The following ZNF384 variants were observed in gnomAD, a reference collection of about 807,000 sequenced individuals.
ZNF384 encodes zinc finger protein 384.
In ZNF384, 20 loss-of-function variants were observed where a neutral mutation model predicts 65.0. The observed-to-expected ratio is 0.31, with a 90% CI of 0.22 to 0.45. The LOEUF (loss-of-function observed/expected upper bound fraction) is 0.45. ZNF384 is among the 20% of genes least tolerant of loss of function. ZNF384 has a pLI of 1.00. For synonymous variants in ZNF384, 310 were observed against 303.9 expected, an observed-to-expected ratio of 1.02 and a Z score of -0.21; for missense variants, 549 against 769.4, an observed-to-expected ratio of 0.71 and a Z score of 3.39.
rs80011270 is a variant in ZNF384 at position 6,682,683 on chromosome 12, C to G, written c.-5-3158G>C. Among the ~76,000 whole-genome samples, 269 of 152,222 alleles carry G rather than the reference C, an allele frequency of 1.8e-3. 1 individual carries two copies. The highest frequency in any genetic ancestry group is 6.2e-3 in the African/African-American group (256 of 41,542). On this transcript the variant is annotated intron_variant, in intron 2 of 11. Coordinates refer to ENST00000683879, the MANE Select transcript of ZNF384 (RefSeq NM_001385745.1). Reference sequence around the variant, plus strand: ...AAACAAAGCAAAGATGGGAGTCTCACGTTTTCAGGCAACAGAATCAAGATA... The same window carrying G: ...AAACAAAGCAAAGATGGGAGTCTCAGGTTTTCAGGCAACAGAATCAAGATA...
rs1452329139 is a variant in ZNF384 at position 6,689,320 on chromosome 12, G to C, written c.-288C>G. 1 of 152,710 alleles carries C rather than the reference G, an allele frequency of 6.5e-6. No individual in the cohort carries two copies. The highest frequency in any genetic ancestry group is 2.4e-5 in the African/African-American group (1 of 41,448). The allele number at this position is 152,710 out of a possible 1,614,324, so 9.5% of individuals were successfully genotyped here. ...CGAGACACCCGCAGGGCGGGGGCGC[G>C]AGGTAGTGGGTGGCCCCCCCTCCTT... On this transcript the variant is annotated 5_prime_UTR_variant, in exon 1 of 12. Coordinates refer to ENST00000683879, the MANE Select transcript of ZNF384 (RefSeq NM_001385745.1).
rs1294082024 is a variant in ZNF384, at chr12:6,672,220, G to GCCAGCCAGGTCTCTCCT, written c.1187+113_1187+129dup. 3.2e-5 allele frequency: 32 copies of GCCAGCCAGGTCTCTCCT among 986,442 alleles called. No homozygotes were observed. Among genetic ancestry groups the GCCAGCCAGGTCTCTCCT allele is most frequent in the Middle Eastern group, 3.3e-4 (1 of 3,046 alleles). 61.1% of individuals were successfully genotyped at this position (986,442 alleles called of 1,614,324 possible). A position where few individuals can be genotyped will look rare whatever the true frequency, so the allele number is the denominator to read the frequency against. On this transcript the variant is annotated intron_variant, in intron 9 of 11. Coordinates refer to ENST00000683879, the MANE Select transcript of ZNF384 (RefSeq NM_001385745.1). The surrounding 1 kb of genome is among the most constrained non-coding windows in gnomAD (Gnocchi z 4.4). ...TTGTTTGGTCTTCCTTCTCCCAGATGCCAGCCAGGTCTCTCCTCCAGCCAG... is the reference window on the plus strand; with the variant it reads ...TTGTTTGGTCTTCCTTCTCCCAGATGCCAGCCAGGTCTCTCCTCCAGCCAGGTCTCTCCTCCAGCCAG...
In ZNF384 at chr12:6,667,673, G is replaced by C; in HGVS notation, c.*41C>G. ...AAGAGTTGGAGAAAGAAGACACCAG[G>C]ACTACTTCTTCCTCTTCCCAGTGGG... On this transcript the variant is annotated 3_prime_UTR_variant, in exon 12 of 12. Transcript: ENST00000683879. 1 of 1,613,276 alleles carries C rather than the reference G, an allele frequency of 6.2e-7. No homozygotes were observed. The highest frequency in any genetic ancestry group is 8.5e-7 in the Non-Finnish European group (1 of 1,179,610).
chr12:6,677,152 G>C lies in ZNF384; in HGVS notation c.779+15C>G. On this transcript the variant is annotated intron_variant, in intron 7 of 11. Transcript: ENST00000683879. ...GATGAGGAAACTGAGGCCCAGAGAG[G>C]GGAAAAGGACTTGCCCAGGGTCACA... 1 of 762,620 alleles carries C rather than the reference G, an allele frequency of 1.3e-6. No homozygotes were observed. The highest frequency in any genetic ancestry group is 5.0e-5 in the East Asian group (1 of 19,904). 47.2% of individuals were successfully genotyped at this position (762,620 alleles called of 1,614,324 possible).
At chr12:6,670,226 C>T (rs746583418) in intron 10 of ZNF384, among the ~76,000 whole-genome samples, 2 of 151,856 alleles carry the variant, frequency 1.3e-5, no homozygotes, top group East Asian at 3.9e-4. Flanking sequence ...TCCAGGAGTT[C>T]GAGACCAGCC....
In ZNF384 at chr12:6,672,578, A is replaced by C; in HGVS notation, c.1005-46T>G. The C allele has an allele frequency of 1.3e-6, 2 of 1,580,766 alleles. No individual in the cohort carries two copies. The highest frequency in any genetic ancestry group is 1.7e-6 in the Non-Finnish European group (2 of 1,155,276). ...GAAGGGGGGAGGAGGAAGCAGTTCG[A>C]CACCAGGGGCTCAGCTCTCTGCTGG... is the stretch of plus-strand genomic sequence containing the variant. On this transcript the variant is annotated intron_variant, in intron 8 of 11. Transcript: ENST00000683879. This position sits in a 1 kb window ranked among gnomAD's most constrained non-coding sequence, Gnocchi z 4.4.
chr12:6,674,300 C>T (rs1952672908), intron 7 of ZNF384, among the ~76,000 whole-genome samples: 1 of 152,240 alleles, frequency 6.6e-6, no homozygotes, highest in South Asian at 2.1e-4. Context: ...CCTTTCCACT[C>T]TGGTATTGTC....
intron 11 of ZNF384, among the ~76,000 whole-genome samples, chr12:6,668,617 C>T (rs749744257): frequency 2.1e-4 from 32 of 151,222 alleles, no homozygotes; most frequent in Non-Finnish European, 4.1e-4. Flanking sequence ...GCAGGAGAAT[C>T]GCTTGAACCC....
At chr12:6,679,804 A>G (rs1955221207) in intron 2 of ZNF384, among the ~76,000 whole-genome samples, 1 of 152,132 alleles carries the variant, frequency 6.6e-6, no homozygotes, top group Non-Finnish European at 1.5e-5. Context: ...CTAAAGAAAA[A>G]CTGGTATTAC....
At chr12:6,679,594 G>A (rs564520704) in intron 2 of ZNF384, 69 bp from the exon 3 acceptor site, 121 of 1,305,738 alleles carry the variant, frequency 9.3e-5, no homozygotes, top group Non-Finnish European at 1.3e-4. Flanking sequence ...ATGGAGAAGG[G>A]GAACTGAAGA....
rs934132108 is a variant in ZNF384 at position 6,678,045 on chromosome 12, G to C, written c.686+82C>G. The C allele has an allele frequency of 7.5e-7, 1 of 1,336,632 alleles. No homozygotes were observed. Among genetic ancestry groups the C allele is most frequent in the East Asian group, 2.3e-5 (1 of 43,150 alleles). The allele number at this position is 1,336,632 out of a possible 1,614,324, so 82.8% of individuals were successfully genotyped here. ...AGCTGTCAGAGTGTAGCGCCTGACC[G>C]GGGCAGAACACAATGAGGGTACAGG... On this transcript the variant is annotated intron_variant, in intron 6 of 11. Coordinates refer to ENST00000683879, the MANE Select transcript of ZNF384 (RefSeq NM_001385745.1). The surrounding 1 kb of genome is among the most constrained non-coding windows in gnomAD (Gnocchi z 4.9).
At chr12:6,670,621 C>T (rs988887014) in intron 10 of ZNF384, 139 bp downstream of exon 10, 22 of 721,230 alleles carry the variant, frequency 3.1e-5, no homozygotes, top group African/African-American at 1.4e-4. Context: ...CAGCTATTAC[C>T]CACATAAACA....
rs199995252 is a variant in ZNF384 at position 6,667,786 on chromosome 12, C to T, written c.1755G>A (p.Ala585=). ...CSFDLTPYKT[A]EHHKDICLTV... is the part of the protein sequence containing the mutation. ...TGAGGCAGATGTCCTTATGATGCTCCGCCGTCTTATACGGGGTCAGGTCAA... is the reference window on the plus strand; with the variant it reads ...TGAGGCAGATGTCCTTATGATGCTCTGCCGTCTTATACGGGGTCAGGTCAA... Residue 585 remains alanine (A), a synonymous_variant, in exon 12 of 12, where the codon GCG becomes GCA. Transcript: ENST00000683879. 1.4e-4 allele frequency: 229 copies of T among 1,614,214 alleles called. 1 individual carries two copies. The highest frequency in any genetic ancestry group is 6.7e-4 in the Admixed American group (40 of 60,030).
chr12:6,683,661 C>CAAA (rs550687196), intron 2 of ZNF384, among the ~76,000 whole-genome samples: 14 of 66,636 alleles, frequency 2.1e-4, no homozygotes, highest in Middle Eastern at 9.4e-3. Flanking sequence ...GACCCTGTCT[C>CAAA]AAAAAAAAAA....
intron 10 of ZNF384, among the ~76,000 whole-genome samples, chr12:6,669,784 G>A (rs908742835): frequency 6.6e-6 from 1 of 152,112 alleles, no homozygotes; most frequent in African/African-American, 2.4e-5. Context: ...TTACAGGTGT[G>A]AGCCACCGCG....
At chr12:6,684,600 C>G (rs1424908773) in intron 2 of ZNF384, among the ~76,000 whole-genome samples, 1 of 152,056 alleles carries the variant, frequency 6.6e-6, no homozygotes, top group Non-Finnish European at 1.5e-5. Flanking sequence ...GTGTCTGGTC[C>G]AAGGACAAGA....
At chr12:6,681,693 T>TAGA (rs1277243793) in intron 2 of ZNF384, among the ~76,000 whole-genome samples, 1 of 152,102 alleles carries the variant, frequency 6.6e-6, no homozygotes, top group East Asian at 1.9e-4. Flanking sequence ...AAGCTGAAAA[T>TAGA]TACTCTAACA....
At position 6,672,808 on chromosome 12, in the gene ZNF384, C is replaced by T. The variant is rs77587720; in HGVS notation, c.1005-276G>A. Among the ~76,000 whole-genome samples, 2,679 of 152,238 alleles carry T rather than the reference C, an allele frequency of 0.018. 64 individuals are homozygous for T. Among genetic ancestry groups the T allele is most frequent in the African/African-American group, 0.053 (2,210 of 41,524 alleles). ...AAAGTAGTCAATCTCATCAACCCTCCGCTTTCTCCTAAGGTTAACACACTC... is the reference window on the plus strand; with the variant it reads ...AAAGTAGTCAATCTCATCAACCCTCTGCTTTCTCCTAAGGTTAACACACTC... On this transcript the variant is annotated intron_variant, in intron 8 of 11. Transcript: ENST00000683879. The surrounding 1 kb of genome is among the most constrained non-coding windows in gnomAD (Gnocchi z 4.4).
intron 2 of ZNF384, among the ~76,000 whole-genome samples, chr12:6,685,954 G>A (rs1422049474): frequency 6.6e-6 from 1 of 152,068 alleles, no homozygotes; most frequent in South Asian, 2.1e-4. Context: ...GTGAAACACG[G>A]TAGGACTTGA....
Sources: allele counts gnomAD v4.1 joint callset (sites outside exome capture counted in the v4.1 genomes callset), GRCh38; gene constraint gnomAD v4.1.1; non-coding constraint Gnocchi (gnomAD v3.1); transcripts MANE v1.5; gene names NCBI Gene and HGNC (gene_info 2026-07-23, HGNC 2026-07-21).